ASIC2: variants seen among roughly 807,000 people sequenced by gnomAD.
ASIC2 encodes acid-sensing ion channel 2.
ASIC2 carries 25 observed loss-of-function variants against 57.3 expected under a neutral mutation model. The ratio of observed to expected loss-of-function variants is 0.44; its 90% CI spans 0.32 to 0.61. The LOEUF (loss-of-function observed/expected upper bound fraction) is 0.61, where lower values mean the gene tolerates loss of function less well. Ranked by LOEUF, ASIC2 falls within the 20% of genes least tolerant of loss-of-function variation. The pLI, the probability that ASIC2 is intolerant of heterozygous loss-of-function variation, is 0.06. For missense variants in ASIC2, 641 were observed against 738.1 expected (o/e 0.87, Z 1.52); for synonymous variants, 319 against 307.5 (o/e 1.04, Z -0.39).
At chr17:33,244,924 C>A (rs1335799457) in intron 1 of ASIC2, among the ~76,000 whole-genome samples, 1 of 152,168 alleles carries the variant, frequency 6.6e-6, no homozygotes, top group East Asian at 1.9e-4. Flanking sequence ...CTTGGGTCTG[C>A]CACTGTGTGA....
At chr17:33,072,114 C>T (rs1234197574) in intron 3 of ASIC2, among the ~76,000 whole-genome samples, 1 of 152,074 alleles carries the variant, frequency 6.6e-6, no homozygotes, top group Non-Finnish European at 1.5e-5. Flanking sequence ...TCTTTCTGGA[C>T]TCATAGCTCT....
At chr17:33,717,487 T>G (rs957986983) in intron 1 of ASIC2, among the ~76,000 whole-genome samples, 5 of 152,010 alleles carry the variant, frequency 3.3e-5, no homozygotes, top group Non-Finnish European at 4.4e-5. Flanking sequence ...GTGTCAAAAA[T>G]CCTATTTAAA....
intron 1 of ASIC2, among the ~76,000 whole-genome samples, chr17:33,368,770 T>C (rs947292732): frequency 6.6e-6 from 1 of 152,184 alleles, no homozygotes; most frequent in African/African-American, 2.4e-5. Flanking sequence ...TCACCAATGA[T>C]GGAGGTTCTG....
intron 1 of ASIC2, among the ~76,000 whole-genome samples, chr17:33,945,637 G>T (rs1021406402): frequency 1.8e-4 from 27 of 152,066 alleles, no homozygotes; most frequent in African/African-American, 6.3e-4. Context: ...GCTGCATATG[G>T]CTTCTGTGTC....
intron 1 of ASIC2, among the ~76,000 whole-genome samples, chr17:33,639,886 A>G (rs1451679600): frequency 6.6e-6 from 1 of 152,178 alleles, no homozygotes; most frequent in East Asian, 1.9e-4. Context: ...GATAATGATT[A>G]TTCTTAAAGT....
At chr17:34,008,815 C>T (rs891962197) in intron 1 of ASIC2, among the ~76,000 whole-genome samples, 1 of 152,160 alleles carries the variant, frequency 6.6e-6, no homozygotes, top group African/African-American at 2.4e-5. Flanking sequence ...CCTAGCCATC[C>T]CAAGCATGTA....
chr17:34,118,348 G>GT lies in ASIC2; in HGVS notation c.555+37629dup, dbSNP rs1207306097. The stretch of plus-strand genomic sequence containing the variant: ...AGAGAAGTGCTATTGTTAGTAGCAT[G>GT]TTTTTTCTTTTTCTTTATTTTCTTT... On this transcript the variant is annotated intron_variant, in intron 1 of 9. Coordinates refer to the ASIC2 transcript ENST00000359872. The GT allele has an allele frequency of 1.1e-4, 16 of 152,284 alleles. 1 individual carries two copies. In the South Asian group the frequency reaches 3.3e-3, roughly 32 times the overall value. The allele number at this position is 152,284 out of a possible 1,614,324, so 9.4% of individuals were successfully genotyped here.
chr17:33,266,999 C>T lies in ASIC2; in HGVS notation c.708+24409G>A, dbSNP rs142372048. ...CAAATTCTCCACTTTTTGAAATTCA[C>T]TGACTCTCAAAATTAATGAAATTTT... On this transcript the variant is annotated intron_variant, in intron 1 of 9. Coordinates refer to ENST00000225823, the MANE Select transcript of ASIC2 (RefSeq NM_183377.2). Among the ~76,000 whole-genome samples, 4 of 152,298 alleles carry T rather than the reference C, an allele frequency of 2.6e-5. No individual in the cohort carries two copies. In the East Asian group the frequency reaches 7.7e-4, roughly 29 times the overall value.
At chr17:33,907,397 C>T (rs1915371746) in intron 1 of ASIC2, among the ~76,000 whole-genome samples, 2 of 152,226 alleles carry the variant, frequency 1.3e-5, no homozygotes, top group Non-Finnish European at 2.9e-5. Flanking sequence ...TGCTGGCAGT[C>T]TCACCTTGCA....
chr17:34,002,871 T>C (rs1258758396), intron 1 of ASIC2: 1 of 152,218 alleles, frequency 6.6e-6, no homozygotes, highest in Admixed American at 6.5e-5. Context: ...AACAAATACA[T>C]TGCTGTTATC....
intron 1 of ASIC2, among the ~76,000 whole-genome samples, chr17:34,010,657 A>C (rs1459406769): frequency 6.6e-6 from 1 of 152,016 alleles, no homozygotes. Flanking sequence ...AGAAACAGAC[A>C]CCCACCCACA....
intron 1 of ASIC2, among the ~76,000 whole-genome samples, chr17:33,164,576 G>GCACACA (rs35380225): frequency 0.016 from 2,415 of 149,834 alleles, 58 homozygotes; most frequent in African/African-American, 0.056. Flanking sequence ...GCACATGCAC[G>GCACACA]CACACACACA....
At chr17:33,878,713 T>A (rs1341872261) in intron 1 of ASIC2, among the ~76,000 whole-genome samples, 1 of 152,134 alleles carries the variant, frequency 6.6e-6, no homozygotes, top group African/African-American at 2.4e-5. Flanking sequence ...ACTTCCCCAA[T>A]CTAGCAAGGC....
intron 1 of ASIC2, among the ~76,000 whole-genome samples, chr17:33,768,030 A>G (rs1235763949): frequency 1.3e-5 from 2 of 149,860 alleles, no homozygotes; most frequent in African/African-American, 5.0e-5. Flanking sequence ...TTTTTTTGAG[A>G]CGGAGTCTCA....
At chr17:33,759,659 A>T (rs1910719718) in intron 1 of ASIC2, among the ~76,000 whole-genome samples, 1 of 152,172 alleles carries the variant, frequency 6.6e-6, no homozygotes, top group African/African-American at 2.4e-5. Context: ...TGAGGTCCTC[A>T]TGATGGCCTT....
At chr17:33,750,206 G>A in intron 1 of ASIC2, among the ~76,000 whole-genome samples, 1 of 152,144 alleles carries the variant, frequency 6.6e-6, no homozygotes, top group East Asian at 1.9e-4. Flanking sequence ...AGATGTGGTG[G>A]AGTCAGAAGA....
At chr17:33,815,138 C>T (rs193063402) in intron 1 of ASIC2, among the ~76,000 whole-genome samples, 8 of 152,244 alleles carry the variant, frequency 5.3e-5, no homozygotes, top group African/African-American at 1.4e-4. Context: ...CTTCCTGAGA[C>T]ACTAGCCATC....
chr17:33,908,195 G>A (rs1021154408), intron 1 of ASIC2, among the ~76,000 whole-genome samples: 3 of 152,224 alleles, frequency 2.0e-5, no homozygotes, highest in Non-Finnish European at 2.9e-5. Context: ...CCATGGTCAC[G>A]TTGAGTGGGC....
intron 1 of ASIC2, among the ~76,000 whole-genome samples, chr17:33,617,206 T>A (rs890957075): frequency 1.3e-5 from 2 of 152,300 alleles, no homozygotes; most frequent in African/African-American, 2.4e-5. Context: ...TAAAGACACA[T>A]AGACACATAT....
Sources: gnomAD v4.1 joint callset for allele counts (sites outside exome capture counted in the v4.1 genomes callset) on GRCh38, gnomAD v4.1.1 for gene constraint, MANE v1.5 for transcripts, NCBI Gene and HGNC (gene_info 2026-07-23, HGNC 2026-07-21) for gene names.